The following SORT1 variants were observed in gnomAD, a reference collection of about 807,000 sequenced individuals.
SORT1 encodes the protein sortilin 1.
SORT1 carries 39 observed loss-of-function variants against 101.7 expected under a neutral mutation model. The observed-to-expected ratio is 0.38, with a 90% CI of 0.30 to 0.50. The LOEUF is 0.50. Ranked by LOEUF, SORT1 falls within the 20% of genes least tolerant of loss-of-function variation. The probability of loss-of-function intolerance (pLI) is 0.90; values close to 1 mark genes in which losing one functional copy is unlikely to be tolerated. For synonymous variants in SORT1, 396 were observed against 393.7 expected (o/e 1.01, Z -0.07); for missense variants, 878 against 1,040.4 (o/e 0.84, Z 2.15).
Position 109,314,220 on chromosome 1 carries a change from T to TGGG in SORT1, c.2481+38_2481+40dup, listed in dbSNP as rs56356949. The TGGG allele has an allele frequency of 3.3e-4, 434 of 1,314,790 alleles. No homozygotes were observed. The African/African-American group carries it at 5.7e-3, about 17-fold the overall frequency. 81.4% of individuals were successfully genotyped at this position (1,314,790 alleles called of 1,614,324 possible). A position where few individuals can be genotyped will look rare whatever the true frequency, so the allele number is the denominator to read the frequency against. ...ACAGACTTTATTTTCTTGTATTTTT[T>TGGG]GGGGGGGGGGGTACTACCATTCAAG... On this transcript the variant is annotated intron_variant, in intron 19 of 19. Transcript: ENST00000256637.
At chr1:109,325,113 T>C (rs1001120519) in intron 13 of SORT1, 24 bp from the exon 14 acceptor site, 13 of 1,556,692 alleles carry the variant, frequency 8.4e-6, no homozygotes, top group African/African-American at 2.7e-5. Flanking sequence ...TACAGAAAGA[T>C]CATGACAGAG....
Position 109,314,214 on chromosome 1 carries a change from AT to A in SORT1, c.2481+46del, listed in dbSNP as rs748583141. The A allele has an allele frequency of 3.5e-3, 4,190 of 1,187,408 alleles. 4 individuals are homozygous for A. Among genetic ancestry groups the A allele is most frequent in the Non-Finnish European group, 4.6e-3 (3,890 of 853,994 alleles). 73.6% of individuals were successfully genotyped at this position (1,187,408 alleles called of 1,614,324 possible). A position where few individuals can be genotyped will look rare whatever the true frequency, so the allele number is the denominator to read the frequency against. ...TAGAAGACAGACTTTATTTTCTTGT[AT>A]TTTTTGGGGGGGGGGGTACTACCAT... On this transcript the variant is annotated intron_variant, in intron 19 of 19. Transcript: ENST00000256637.
chr1:109,313,083 G>C lies in SORT1; in HGVS notation c.*960C>G, dbSNP rs568612850. The C allele has an allele frequency of 7.9e-5, 12 of 152,304 alleles. No homozygotes were observed. The East Asian group carries it at 2.3e-3, about 29-fold the overall frequency. 9.4% of individuals were successfully genotyped at this position (152,304 alleles called of 1,614,324 possible). A position where few individuals can be genotyped will look rare whatever the true frequency, so the allele number is the denominator to read the frequency against. On this transcript the variant is annotated 3_prime_UTR_variant, in exon 20 of 20. Transcript: ENST00000256637. ...ACGAGCCACACGACAGTTAAGAAGG[G>C]AACATGGAAGACTGTGAGGTTCCGT...
intron 10 of SORT1, among the ~76,000 whole-genome samples, chr1:109,338,636 T>C (rs1307083427): frequency 6.6e-6 from 1 of 152,164 alleles, no homozygotes; most frequent in African/African-American, 2.4e-5. Flanking sequence ...CTCATAGGCC[T>C]ACATCTCCCA....
At chr1:109,392,843 G>A in intron 1 of SORT1, 1 of 985,146 alleles carries the variant, frequency 1.0e-6, no homozygotes, top group Admixed American at 6.1e-5. Flanking sequence ...TGCTCAACCA[G>A]GACCAAGAAG....
rs1260191456 is a variant in SORT1, at chr1:109,326,448, TATATATATATATATATACATAC to T, written c.1643+522_1643+543del. On this transcript the variant is annotated intron_variant, in intron 13 of 19. Coordinates refer to ENST00000256637, the MANE Select transcript of SORT1 (RefSeq NM_002959.7). The stretch of plus-strand genomic sequence containing the variant: ...GAAAGAATATATATATATATATATA[TATATATATATATATATACATAC>T]ACACACACACACACATATATATACA... Among the ~76,000 whole-genome samples the T allele has an allele frequency of 4.8e-4, 13 of 27,130 alleles. No homozygotes were observed. In the East Asian group the frequency reaches 0.025, roughly 52 times the overall value. The allele number at this position is 27,130 out of a possible 152,430, so 17.8% of individuals were successfully genotyped here. A position where few individuals can be genotyped will look rare whatever the true frequency, so the allele number is the denominator to read the frequency against.
chr1:109,316,786 TG>T, intron 17 of SORT1, 63 bp downstream of exon 17: 1 of 1,064,722 alleles, frequency 9.4e-7, no homozygotes, highest in East Asian at 2.4e-5. Flanking sequence ...GCTTTAACTT[TG>T]ATTTTTCTTA....
At chr1:109,374,064 G>C (rs763146544) in intron 1 of SORT1, among the ~76,000 whole-genome samples, 2 of 152,076 alleles carry the variant, frequency 1.3e-5, no homozygotes, top group African/African-American at 2.4e-5. Context: ...ACTCCAGCCT[G>C]AGCAACAGAG....
chr1:109,355,336 C>T, intron 4 of SORT1, 31 bp downstream of exon 4: 1 of 1,100,754 alleles, frequency 9.1e-7, no homozygotes, highest in Middle Eastern at 2.0e-4. Context: ...GTATCAAGCA[C>T]AAGCTTTATG....
Position 109,313,873 on chromosome 1 carries a change from AC to A in SORT1, c.*169del. 9.0e-6 allele frequency: 3 copies of A among 334,708 alleles called. No individual in the cohort carries two copies. Among genetic ancestry groups the A allele is most frequent in the Non-Finnish European group, 1.1e-5 (2 of 182,518 alleles). The allele number at this position is 334,708 out of a possible 1,614,324, so 20.7% of individuals were successfully genotyped here. ...TGTAAAAAAGTGCTCAGGGTTCCCC[AC>A]CCCCACCCTGCATTTCTTTAGTGTA... On this transcript the variant is annotated 3_prime_UTR_variant, in exon 20 of 20. Transcript: ENST00000256637.
chr1:109,313,872 C>T lies in SORT1; in HGVS notation c.*171G>A, dbSNP rs1658866325. On this transcript the variant is annotated 3_prime_UTR_variant, in exon 20 of 20. Coordinates refer to ENST00000256637, the MANE Select transcript of SORT1 (RefSeq NM_002959.7). ...TTGTAAAAAAGTGCTCAGGGTTCCC[C>T]ACCCCCACCCTGCATTTCTTTAGTG... 5.5e-6 allele frequency: 3 copies of T among 548,382 alleles called. No homozygotes were observed. The highest frequency in any genetic ancestry group is 7.1e-5 in the Admixed American group (2 of 28,234). The allele number at this position is 548,382 out of a possible 1,614,324, so 34.0% of individuals were successfully genotyped here.
chr1:109,354,151 T>A (rs976389044), intron 5 of SORT1, among the ~76,000 whole-genome samples: 3 of 152,090 alleles, frequency 2.0e-5, no homozygotes, highest in Admixed American at 6.6e-5. Flanking sequence ...AAAATTACAG[T>A]GACAACTAGG....
chr1:109,336,372 G>T, intron 10 of SORT1, 26 bp from the exon 11 acceptor site: 2 of 1,393,322 alleles, frequency 1.4e-6, no homozygotes, highest in Non-Finnish European at 2.0e-6. Flanking sequence ...ACAACATTAA[G>T]TCTGATACAC....
At chr1:109,393,352 A>T (rs1653023028) in intron 1 of SORT1, 6 of 977,776 alleles carry the variant, frequency 6.1e-6, no homozygotes, top group Non-Finnish European at 7.3e-6. Flanking sequence ...TATTCATCAT[A>T]AGTTTAAAAA....
At position 109,336,262 on chromosome 1, in the gene SORT1, G is replaced by GCAT; in HGVS notation, c.1346_1348dup (p.Asp449dup). 6.2e-7 allele frequency: 1 copy of GCAT among 1,611,560 alleles called. No homozygotes were observed. Among genetic ancestry groups the GCAT allele is most frequent in the Non-Finnish European group, 8.5e-7 (1 of 1,177,672 alleles). ...AACCTCATTCTTGTTTTTTGCTGTA[G>GCAT]CATCACATTCACTGTTTTCAGGCTT... On this transcript the variant is annotated inframe_insertion, in exon 11 of 20. Coordinates refer to ENST00000256637, the MANE Select transcript of SORT1 (RefSeq NM_002959.7).
chr1:109,395,962 T>C (rs1205138246), intron 1 of SORT1, among the ~76,000 whole-genome samples: 1 of 151,990 alleles, frequency 6.6e-6, no homozygotes, highest in East Asian at 1.9e-4. Flanking sequence ...CATGTACCAG[T>C]AGTCCCGGCT....
Position 109,314,389 on chromosome 1 carries a change from G to A in SORT1, c.2358-5C>T, listed in dbSNP as rs751970084. 1.9e-6 allele frequency: 3 copies of A among 1,613,520 alleles called. No individual in the cohort carries two copies. The highest frequency in any genetic ancestry group is 2.5e-6 in the Non-Finnish European group (3 of 1,179,892). On this transcript the variant is annotated splice_polypyrimidine_tract_variant and splice_region_variant and intron_variant, in intron 18 of 19. Coordinates refer to ENST00000256637, the MANE Select transcript of SORT1 (RefSeq NM_002959.7). Reference sequence around the variant, plus strand: ...GAGTATCGATGCACCAGGAACCTGTGAACAGAAACCTCCTTAACACTCGGT... The same window carrying A: ...GAGTATCGATGCACCAGGAACCTGTAAACAGAAACCTCCTTAACACTCGGT...
intron 6 of SORT1, 88 bp from the exon 7 acceptor site, chr1:109,347,620 T>C: frequency 1.1e-6 from 1 of 907,444 alleles, no homozygotes; most frequent in Non-Finnish European, 1.8e-6. Flanking sequence ...CTAGCAGGTC[T>C]AACAAGCTTC....
chr1:109,396,966 G>A (rs540552580), intron 1 of SORT1, among the ~76,000 whole-genome samples: 1 of 152,332 alleles, frequency 6.6e-6, no homozygotes, highest in East Asian at 1.9e-4. Flanking sequence ...AGCAGAATAT[G>A]TGCAATGCGT....
Sources: gnomAD v4.1 joint callset for allele counts (sites outside exome capture counted in the v4.1 genomes callset) on GRCh38, gnomAD v4.1.1 for gene constraint, MANE v1.5 for transcripts, NCBI Gene and HGNC (gene_info 2026-07-23, HGNC 2026-07-21) for gene names.